Variants in MLKL observed in about 807,000 individuals in gnomAD.
MLKL encodes mixed lineage kinase domain like pseudokinase.
A neutral mutation model predicts 56.5 loss-of-function variants in MLKL; 55 were observed. That is an observed-to-expected ratio of 0.97 (90% CI 0.78 to 1.22). MLKL has a LOEUF of 1.22. Ranked by LOEUF, MLKL falls within the 50% of genes most tolerant of loss-of-function variation. MLKL has a pLI of 0.00. For missense variants in MLKL, 694 were observed against 573.9 expected (o/e 1.21, Z -2.14); for synonymous variants, 251 against 208.3 (o/e 1.20, Z -1.76).
At chr16:74,684,833 G>T (rs1311479731) in intron 5 of MLKL, among the ~76,000 whole-genome samples, 2 of 151,828 alleles carry the variant, frequency 1.3e-5, no homozygotes, top group East Asian at 1.9e-4. Context: ...GATGACCAAG[G>T]GTGTTTTCCT....
At chr16:74,673,996 T>C (rs915780767) in intron 10 of MLKL, among the ~76,000 whole-genome samples, 4 of 128,974 alleles carry the variant, frequency 3.1e-5, no homozygotes, top group African/African-American at 8.8e-5. Context: ...GACAGATAAA[T>C]AAAGGAAGGA....
At chr16:74,679,815 A>C (rs1959826465) in intron 6 of MLKL, among the ~76,000 whole-genome samples, 1 of 149,940 alleles carries the variant, frequency 6.7e-6, no homozygotes, top group Non-Finnish European at 1.5e-5. Context: ...GCTCTGTCTC[A>C]AAAAAAAAAT....
At chr16:74,682,548 G>T in intron 6 of MLKL, 103 bp downstream of exon 6, 1 of 1,467,438 alleles carries the variant, frequency 6.8e-7, no homozygotes, top group Non-Finnish European at 9.3e-7. Context: ...ATGGGAGGGA[G>T]ACTGTCTGGG....
At chr16:74,677,433 C>T (rs1487456273) in intron 7 of MLKL, 1 of 152,296 alleles carries the variant, frequency 6.6e-6, no homozygotes, top group East Asian at 1.9e-4. Context: ...CTCCCTGCAG[C>T]CTTGACCTCC....
chr16:74,695,047 T>C (rs1960943219), intron 2 of MLKL, among the ~76,000 whole-genome samples: 1 of 152,194 alleles, frequency 6.6e-6, no homozygotes. Flanking sequence ...TAATTTTTTG[T>C]ATTTTTAGTA....
At chr16:74,693,532 C>T (rs578251329) in intron 2 of MLKL, among the ~76,000 whole-genome samples, 51 of 148,890 alleles carry the variant, frequency 3.4e-4, no homozygotes, top group South Asian at 1.9e-3. Flanking sequence ...TGGATGGTCG[C>T]GATGGTTTCA....
At chr16:74,682,090 A>G (rs1026373297) in intron 6 of MLKL, among the ~76,000 whole-genome samples, 2 of 138,224 alleles carry the variant, frequency 1.4e-5, no homozygotes, top group Non-Finnish European at 3.2e-5. Context: ...TACAAAAAAT[A>G]TATATAAAAA....
At chr16:74,676,537 C>A (rs945628274) in intron 7 of MLKL, 14 of 922,936 alleles carry the variant, frequency 1.5e-5, no homozygotes, top group Admixed American at 6.2e-5. Flanking sequence ...TCTCTTACAT[C>A]TAGCGCCGTA....
intron 6 of MLKL, 112 bp downstream of exon 6, chr16:74,682,539 T>C (rs1437715877): frequency 2.3e-5 from 33 of 1,421,160 alleles, no homozygotes; most frequent in Non-Finnish European, 2.2e-5. Context: ...AAACAGTGTA[T>C]GGGAGGGAGA....
intron 4 of MLKL, among the ~76,000 whole-genome samples, chr16:74,690,921 C>T (rs1482440473): frequency 4.0e-5 from 6 of 151,386 alleles, no homozygotes; most frequent in African/African-American, 9.7e-5. Flanking sequence ...GCAACAGACA[C>T]GTAACTCTAC....
intron 7 of MLKL, chr16:74,677,032 C>G (rs529104362): frequency 1.7e-4 from 26 of 151,920 alleles, no homozygotes; most frequent in African/African-American, 6.1e-4. Flanking sequence ...TGCTTTGTAG[C>G]AAATTTTTCT....
chr16:74,696,956 TATATATAGTAATATATATGTAATATTAC>T (rs1961080478), intron 1 of MLKL, among the ~76,000 whole-genome samples: 1 of 138,442 alleles, frequency 7.2e-6, no homozygotes, highest in Non-Finnish European at 1.5e-5. Flanking sequence ...TAATATTACA[TATATATAGTAATATATATGTAATATTAC>T]ATATATAGTA....
rs376031753 is a variant in MLKL, at chr16:74,675,496, G to T, written c.1191-92C>A. ...TGCCAGAAAACTCAGTGAATTTTTT[G>T]ATTACTACCCAATTTCATTCAACAG... On this transcript the variant is annotated intron_variant, in intron 8 of 10. Coordinates refer to ENST00000308807, the MANE Select transcript of MLKL (RefSeq NM_152649.4). 181 of 1,570,324 alleles carry T rather than the reference G, an allele frequency of 1.2e-4. No individual in the cohort carries two copies. In the East Asian group the frequency reaches 1.5e-3, roughly 13 times the overall value.
Position 74,691,380 on chromosome 16 carries a change from T to G in MLKL, c.619A>C (p.Ile207Leu). The change falls in exon 4 of 11, where the codon ATT (isoleucine) becomes CTT (leucine). Residue 207 changes from isoleucine to leucine, a missense_variant. Physicochemically the swap from Ile to Leu is conservative, Grantham distance 5. Coordinates refer to ENST00000308807, the MANE Select transcript of MLKL (RefSeq NM_152649.4). ...CTGACTTCATTTTCCCTTAGCAGAA[T>G]CCACGGGGATCCTGAAAGCTGCTCC... ...KKEQLSGSPW[I>L]LLRENEVSTL... 6.2e-7 allele frequency: 1 copy of G among 1,614,152 alleles called. No individual in the cohort carries two copies. Among genetic ancestry groups the G allele is most frequent in the Non-Finnish European group, 8.5e-7 (1 of 1,180,026 alleles).
chr16:74,678,633 A>G (rs1203645537), intron 7 of MLKL, among the ~76,000 whole-genome samples: 1 of 152,132 alleles, frequency 6.6e-6, no homozygotes, highest in Non-Finnish European at 1.5e-5. Flanking sequence ...AAATGCAAAA[A>G]TTAGTCAGGA....
At chr16:74,685,607 C>G (rs1315266983) in intron 4 of MLKL, 24 bp from the exon 5 acceptor site, 1 of 1,584,980 alleles carries the variant, frequency 6.3e-7, no homozygotes, top group South Asian at 1.1e-5. Flanking sequence ...AGAGAGAAAT[C>G]AGGATTTCAG....
chr16:74,697,187 T>C (rs1296410788), intron 1 of MLKL, among the ~76,000 whole-genome samples: 1 of 151,690 alleles, frequency 6.6e-6, no homozygotes, highest in Non-Finnish European at 1.5e-5. Flanking sequence ...AACCTCTCTC[T>C]CTTCTCTGAA....
At chr16:74,684,477 GA>G (rs1960201530) in intron 5 of MLKL, among the ~76,000 whole-genome samples, 1 of 146,990 alleles carries the variant, frequency 6.8e-6, no homozygotes, top group Admixed American at 6.8e-5. Flanking sequence ...GCTCTTGGTA[GA>G]GGGGTAAAGT....
At chr16:74,684,479 G>A (rs1016179021) in intron 5 of MLKL, among the ~76,000 whole-genome samples, 3 of 149,068 alleles carry the variant, frequency 2.0e-5, no homozygotes, top group Non-Finnish European at 4.5e-5. Context: ...TCTTGGTAGA[G>A]GGGTAAAGTA....
Sources: allele counts gnomAD v4.1 joint callset (sites outside exome capture counted in the v4.1 genomes callset), GRCh38; gene constraint gnomAD v4.1.1; transcripts MANE v1.5; gene names NCBI Gene and HGNC (gene_info 2026-07-23, HGNC 2026-07-21).